The following GXYLT2 variants were observed in gnomAD, a reference collection of about 807,000 sequenced individuals.
The protein encoded by GXYLT2 is glucoside xylosyltransferase 2.
GXYLT2 carries 53 observed loss-of-function variants against 45.8 expected under a neutral mutation model. That is an observed-to-expected ratio of 1.16 (90% CI 0.93 to 1.46). The LOEUF (loss-of-function observed/expected upper bound fraction) is 1.46. Ranked by LOEUF, GXYLT2 falls within the 40% of genes most tolerant of loss-of-function variation. GXYLT2 has a pLI of 0.00. For missense variants in GXYLT2, 551 were observed against 544.4 expected (o/e 1.01, Z -0.12); for synonymous variants, 219 against 214.2 (o/e 1.02, Z -0.19).
chr3:72,924,360 A>AT (rs949459602), intron 3 of GXYLT2, among the ~76,000 whole-genome samples: 9 of 151,748 alleles, frequency 5.9e-5, no homozygotes, highest in African/African-American at 1.9e-4. Flanking sequence ...TGCTTAGCTA[A>AT]TTTTTTTATT....
intron 1 of GXYLT2, among the ~76,000 whole-genome samples, chr3:72,893,564 CTTAAATCACT>C (rs1019723778): frequency 6.6e-6 from 1 of 152,132 alleles, no homozygotes; most frequent in African/African-American, 2.4e-5. Context: ...CAGTGATCTC[CTTAAATCACT>C]GTTTCACTAA....
intron 3 of GXYLT2, among the ~76,000 whole-genome samples, chr3:72,950,814 C>T (rs1190532806): frequency 2.0e-5 from 3 of 152,178 alleles, no homozygotes; most frequent in African/African-American, 4.8e-5. Flanking sequence ...AGCCCCTGAT[C>T]GTCTTGCTGC....
intron 2 of GXYLT2, among the ~76,000 whole-genome samples, chr3:72,916,357 T>C (rs1401718618): frequency 3.3e-5 from 5 of 151,676 alleles, no homozygotes; most frequent in East Asian, 3.9e-4. Context: ...ATAAACTTTT[T>C]TGGGGGTGGG....
At chr3:72,953,814 C>T (rs747728163) in intron 3 of GXYLT2, among the ~76,000 whole-genome samples, 5 of 152,088 alleles carry the variant, frequency 3.3e-5, no homozygotes, top group African/African-American at 1.2e-4. Context: ...ACATTTTAGG[C>T]GGGTCACAGT....
At chr3:72,907,561 C>T (rs1575781290) in intron 1 of GXYLT2, among the ~76,000 whole-genome samples, 2 of 152,112 alleles carry the variant, frequency 1.3e-5, no homozygotes, top group Admixed American at 6.5e-5. Context: ...TGCATCCCTT[C>T]GTCTGGAACA....
rs374236030 is a variant in GXYLT2, at chr3:72,955,392, T to C, written c.852+43T>C. On this transcript the variant is annotated intron_variant, in intron 4 of 6. Coordinates refer to ENST00000389617, the MANE Select transcript of GXYLT2 (RefSeq NM_001080393.2). ...AATTCCTTGTTTAAAGACTGGGAGT[T>C]GGTCTTGTCAACAGTGGCACTACCA... The C allele has an allele frequency of 8.8e-6, 14 of 1,599,616 alleles. No individual in the cohort carries two copies. In the African/African-American group the frequency reaches 1.7e-4, roughly 20 times the overall value.
At chr3:72,957,556 T>G (rs1167927244) in intron 5 of GXYLT2, among the ~76,000 whole-genome samples, 1 of 152,186 alleles carries the variant, frequency 6.6e-6, no homozygotes, top group Non-Finnish European at 1.5e-5. Context: ...AAAGGCCAAA[T>G]GTTGAAACTT....
rs562702244 is a variant in GXYLT2, at chr3:72,938,106, T to A, written c.600+15771T>A. Among the ~76,000 whole-genome samples the A allele has an allele frequency of 2.0e-3, 300 of 152,028 alleles. 3 individuals carry two copies. Among genetic ancestry groups the A allele is most frequent in the Admixed American group, 0.013 (197 of 15,264 alleles). On this transcript the variant is annotated intron_variant, in intron 3 of 6. Transcript: ENST00000389617. The stretch of plus-strand genomic sequence containing the variant: ...GATCCTCTCTACAAAAATTTAATTT[T>A]AAAAAAAGAAAAAAATGTAAAAGGT...
At chr3:72,892,860 G>T (rs1044584983) in intron 1 of GXYLT2, among the ~76,000 whole-genome samples, 19 of 152,040 alleles carry the variant, frequency 1.2e-4, no homozygotes, top group African/African-American at 4.6e-4. Flanking sequence ...CATTTTTGTT[G>T]ATTGGTCCAT....
At chr3:72,953,786 C>T (rs558244676) in intron 3 of GXYLT2, among the ~76,000 whole-genome samples, 22 of 152,284 alleles carry the variant, frequency 1.4e-4, no homozygotes, top group Non-Finnish European at 8.8e-5. Context: ...ATCCCAAGAC[C>T]AAGTCTTAGC....
Position 72,926,548 on chromosome 3 carries a change from C to T in GXYLT2, c.600+4213C>T, listed in dbSNP as rs749305151. On this transcript the variant is annotated intron_variant, in intron 3 of 6. Coordinates refer to ENST00000389617, the MANE Select transcript of GXYLT2 (RefSeq NM_001080393.2). ...CTGGAATACTTTTATTTTCTTAGTACAGGCCAGAAATCCTTTACATCTGTA... is the reference window on the plus strand; with the variant it reads ...CTGGAATACTTTTATTTTCTTAGTATAGGCCAGAAATCCTTTACATCTGTA... Among the ~76,000 whole-genome samples the T allele has an allele frequency of 4.6e-5, 7 of 152,188 alleles. No individual in the cohort carries two copies. In the South Asian group the frequency reaches 8.3e-4, roughly 18 times the overall value.
At chr3:72,936,836 T>C (rs1288018733) in intron 3 of GXYLT2, among the ~76,000 whole-genome samples, 2 of 152,178 alleles carry the variant, frequency 1.3e-5, no homozygotes, top group Admixed American at 6.5e-5. Flanking sequence ...TTGATACAAT[T>C]GTATTGGGGG....
At chr3:72,897,928 G>T (rs1373382125) in intron 1 of GXYLT2, among the ~76,000 whole-genome samples, 3 of 151,962 alleles carry the variant, frequency 2.0e-5, no homozygotes, top group Non-Finnish European at 2.9e-5. Context: ...GTTCAGATTT[G>T]TAAGGAAAAA....
rs557798081 is a variant in GXYLT2 at position 72,893,735 on chromosome 3, A to G, written c.275+5227A>G. On this transcript the variant is annotated intron_variant, in intron 1 of 6. Transcript: ENST00000389617. ...TCCTTATTATCTAATAATATTCAAA[A>G]TAGTCCCATACCCTTTCGAAGAATA... Among the ~76,000 whole-genome samples, 431 of 152,346 alleles carry G rather than the reference A, an allele frequency of 2.8e-3. 1 individual carries two copies. Among genetic ancestry groups the G allele is most frequent in the Non-Finnish European group, 4.7e-3 (323 of 68,034 alleles).
At chr3:72,945,477 G>C (rs899784831) in intron 3 of GXYLT2, among the ~76,000 whole-genome samples, 3 of 152,114 alleles carry the variant, frequency 2.0e-5, no homozygotes, top group Admixed American at 6.6e-5. Flanking sequence ...TTCTATTCTA[G>C]TTAGAGGAGG....
intron 6 of GXYLT2, among the ~76,000 whole-genome samples, chr3:72,970,376 A>AAAT (rs1362520294): frequency 1.3e-5 from 2 of 151,778 alleles, no homozygotes; most frequent in Non-Finnish European, 2.9e-5. Context: ...TTAATTAATT[A>AAAT]AATAGGCCCG....
At chr3:72,906,605 T>C (rs1709514702) in intron 1 of GXYLT2, among the ~76,000 whole-genome samples, 1 of 152,228 alleles carries the variant, frequency 6.6e-6, no homozygotes, top group Non-Finnish European at 1.5e-5. Context: ...CTTTGTTTTG[T>C]TCACTGTCTT....
At chr3:72,964,537 G>T (rs1423400037) in intron 5 of GXYLT2, among the ~76,000 whole-genome samples, 1 of 151,826 alleles carries the variant, frequency 6.6e-6, no homozygotes, top group Non-Finnish European at 1.5e-5. Flanking sequence ...TGGCCAGGCT[G>T]GTCTCGAACT....
intron 2 of GXYLT2, among the ~76,000 whole-genome samples, chr3:72,914,683 A>C (rs1359163946): frequency 6.6e-6 from 1 of 152,030 alleles, no homozygotes; most frequent in African/African-American, 2.4e-5. Context: ...CAGTGGGGCA[A>C]ACTGTGGCAC....
Sources: allele counts gnomAD v4.1 joint callset (sites outside exome capture counted in the v4.1 genomes callset), GRCh38; gene constraint gnomAD v4.1.1; transcripts MANE v1.5; gene names NCBI Gene and HGNC (gene_info 2026-07-23, HGNC 2026-07-21).